The following IMPDH1 variants were observed in gnomAD, a reference collection of about 807,000 sequenced individuals.
IMPDH1 encodes inosine monophosphate dehydrogenase 1.
Under a neutral mutation model 73.5 loss-of-function variants are expected in IMPDH1, and 41 were observed. The observed-to-expected ratio is 0.56, with a 90% CI of 0.43 to 0.72. IMPDH1 has a LOEUF of 0.72. Among genes scored for constraint, IMPDH1 ranks in the 30% least tolerant of loss-of-function variants. The pLI, the probability that IMPDH1 is intolerant of heterozygous loss-of-function variation, is 0.00. For synonymous variants in IMPDH1, 318 were observed against 334.3 expected (o/e 0.95, Z 0.53); for missense variants, 645 against 824.8 (o/e 0.78, Z 2.67).
At chr7:128,399,524 A>AC (rs1798166514) in intron 9 of IMPDH1, among the ~76,000 whole-genome samples, 1 of 145,974 alleles carries the variant, frequency 6.9e-6, no homozygotes, top group South Asian at 2.1e-4. Context: ...TAAAAATACA[A>AC]AAAAAAAAAA....
chr7:128,392,801 C>A lies in IMPDH1; in HGVS notation c.*206G>T. On this transcript the variant is annotated 3_prime_UTR_variant, in exon 17 of 17. Coordinates refer to ENST00000338791, the MANE Select transcript of IMPDH1 (RefSeq NM_000883.4). ...GCTCGGAGGGGGGCTCCCAGGGCAGCCTGGCCCCGGGAGCAGTCCTGACTC... is the reference window on the plus strand; with the variant it reads ...GCTCGGAGGGGGGCTCCCAGGGCAGACTGGCCCCGGGAGCAGTCCTGACTC... 1 of 574,744 alleles carries A rather than the reference C, an allele frequency of 1.7e-6. No homozygotes were observed. Among genetic ancestry groups the A allele is most frequent in the South Asian group, 2.1e-5 (1 of 47,430 alleles). The allele number at this position is 574,744 out of a possible 1,614,324, so 35.6% of individuals were successfully genotyped here.
chr7:128,407,662 C>T (rs1364357563), intron 3 of IMPDH1, among the ~76,000 whole-genome samples: 1 of 152,178 alleles, frequency 6.6e-6, no homozygotes, highest in Non-Finnish European at 1.5e-5. Context: ...AGAGACCAGC[C>T]CAGTGGTCTC....
In IMPDH1 at chr7:128,393,005, C is replaced by T. The variant is rs1797636711; in HGVS notation, c.*2G>A. 6.2e-7 allele frequency: 1 copy of T among 1,613,712 alleles called. No individual in the cohort carries two copies. The highest frequency in any genetic ancestry group is 8.5e-7 in the Non-Finnish European group (1 of 1,179,804). ...CCACCACCTCGGCCTCCACCGCTGT[C>T]CTCAGTACAGCCGCTTTTCGTAACT... On this transcript the variant is annotated 3_prime_UTR_variant, in exon 17 of 17. Coordinates refer to ENST00000338791, the MANE Select transcript of IMPDH1 (RefSeq NM_000883.4).
rs1048992023 is a variant in IMPDH1, at chr7:128,409,939, G to A, written c.-38C>T. ...GCTCAGGGCGGGCGGGAGCCTGGAG[G>A]CTCCCGGGGCCCCGGCTGGGCAGTG... On this transcript the variant is annotated 5_prime_UTR_variant, in exon 1 of 17. Coordinates refer to ENST00000338791, the MANE Select transcript of IMPDH1 (RefSeq NM_000883.4). 12 of 1,326,744 alleles carry A rather than the reference G, an allele frequency of 9.0e-6. No homozygotes were observed. The highest frequency in any genetic ancestry group is 1.1e-5 in the Non-Finnish European group (12 of 1,044,284). The allele number at this position is 1,326,744 out of a possible 1,614,324, so 82.2% of individuals were successfully genotyped here. A position where few individuals can be genotyped will look rare whatever the true frequency, so the allele number is the denominator to read the frequency against.
Position 128,398,701 on chromosome 7 carries a change from A to G in IMPDH1, c.875-88T>C. On this transcript the variant is annotated intron_variant, in intron 9 of 16. Transcript: ENST00000338791. This position sits in a 1 kb window ranked among gnomAD's most constrained non-coding sequence, Gnocchi z 4.3. ...AGGAGGGTGAAGATGAAAGTGGACC[A>G]CTCCAGAGATTCCACTGAAGTACCC... 1 of 1,077,952 alleles carries G rather than the reference A, an allele frequency of 9.3e-7. No individual in the cohort carries two copies. The highest frequency in any genetic ancestry group is 1.4e-6 in the Non-Finnish European group (1 of 706,824). 66.8% of individuals were successfully genotyped at this position (1,077,952 alleles called of 1,614,324 possible).
At chr7:128,395,392 G>A in intron 12 of IMPDH1, 118 bp from the exon 13 acceptor site, 1 of 1,216,614 alleles carries the variant, frequency 8.2e-7, no homozygotes, top group African/African-American at 1.5e-5. Context: ...AAGGGACAGG[G>A]CTGGATGGTG....
chr7:128,398,580 A>G lies in IMPDH1; in HGVS notation c.908T>C (p.Leu303Pro). ...GTCGGTGCGGGCGATGATGGCCACC[A>G]GCTCATCGCAATCATTGACGATAGG... Reference protein sequence around the residue: ...KLPIVNDCDELVAIIARTDLK... With the variant: ...KLPIVNDCDEPVAIIARTDLK... The change falls in exon 10 of 17, where the codon CTG becomes CCG. Residue 303 changes from leucine to proline, a missense_variant. Physicochemically the swap from Leu to Pro is moderately conservative, Grantham distance 98. Coordinates refer to ENST00000338791, the MANE Select transcript of IMPDH1 (RefSeq NM_000883.4). The surrounding 1 kb of genome is among the most constrained non-coding windows in gnomAD (Gnocchi z 4.3). 6.2e-7 allele frequency: 1 copy of G among 1,612,852 alleles called. No homozygotes were observed. Among genetic ancestry groups the G allele is most frequent in the Non-Finnish European group, 8.5e-7 (1 of 1,178,994 alleles).
rs1478615977 is a variant in IMPDH1 at position 128,394,307 on chromosome 7, C to A, written c.1749G>T (p.Gln583His). The change falls in exon 16 of 17, where the codon CAG (glutamine) becomes CAT (histidine). Residue 583 changes from glutamine (Q) to histidine (H), a missense_variant. This residue lies in a region of IMPDH1 where 459 missense variants were observed against 638.2 expected (regional missense o/e 0.72). Coordinates refer to ENST00000338791, the MANE Select transcript of IMPDH1 (RefSeq NM_000883.4). The surrounding 1 kb of genome is among the most constrained non-coding windows in gnomAD (Gnocchi z 5.5). ...GCAGGCCATGGACACCACCCTCAATCTGGGCCGACATGGTCCGCTTCTCAA... is the reference window on the plus strand; with the variant it reads ...GCAGGCCATGGACACCACCCTCAATATGGGCCGACATGGTCCGCTTCTCAA... ...LKFEKRTMSA[Q>H]IEGGVHGLHS... is the part of the protein sequence containing the mutation. 2 of 1,614,116 alleles carry A rather than the reference C, an allele frequency of 1.2e-6. No individual in the cohort carries two copies. Among genetic ancestry groups the A allele is most frequent in the Non-Finnish European group, 1.7e-6 (2 of 1,180,004 alleles).
rs548562398 is a variant in IMPDH1, at chr7:128,398,767, T to G, written c.875-154A>C. On this transcript the variant is annotated intron_variant, in intron 9 of 16. Transcript: ENST00000338791. This position sits in a 1 kb window ranked among gnomAD's most constrained non-coding sequence, Gnocchi z 4.3. ...TGACAGCACCGCCCCCAGGAAGTGT[T>G]CCTAGGGACCTAGCCCTCTTCCCAA... 6.6e-6 allele frequency among the ~76,000 whole-genome samples: 1 copy of G among 152,234 alleles called. No individual in the cohort carries two copies. The highest frequency in any genetic ancestry group is 2.1e-4 in the South Asian group (1 of 4,828).
In IMPDH1 at chr7:128,396,937, C is replaced by T; in HGVS notation, c.1160G>A (p.Gly387Glu). ...GGAGGCGACCCCGCACTCACCGTTCCCCCCAATCACCTGGAGGTGGGGGTA... is the reference window on the plus strand; with the variant it reads ...GGAGGCGACCCCGCACTCACCGTTCTCCCCAATCACCTGGAGGTGGGGGTA... ...QKYPHLQVIG[G>E]NVVTAAQAKN... The change falls in exon 11 of 17, where the codon GGG becomes GAG. Residue 387 changes from glycine (G) to glutamate (E), a missense_variant. By Grantham distance (98) the Gly-to-Glu change is moderately conservative. Transcript: ENST00000338791. The surrounding 1 kb of genome is among the most constrained non-coding windows in gnomAD (Gnocchi z 4.0). 1 of 1,611,792 alleles carries T rather than the reference C, an allele frequency of 6.2e-7. No individual in the cohort carries two copies. The highest frequency in any genetic ancestry group is 8.5e-7 in the Non-Finnish European group (1 of 1,178,196).
intron 5 of IMPDH1, 36 bp from the exon 6 acceptor site, chr7:128,401,152 T>C (rs771261849): frequency 1.3e-6 from 2 of 1,504,000 alleles, no homozygotes; most frequent in Admixed American, 1.7e-5. Context: ...AAAGAGTTTA[T>C]CACCCACTGG....
At position 128,401,066 on chromosome 7, in the gene IMPDH1, G is replaced by A; in HGVS notation, c.453C>T (p.Ile151=). The part of the protein sequence containing the change: ...TRKITLKTPL[I]SSPMDTVTEA... Reference sequence around the variant, plus strand: ...CTGTCACAGTGTCCATGGGGGAGGAGATCAGTGGCGTCTTCAGCGTGATCT... The same window carrying A: ...CTGTCACAGTGTCCATGGGGGAGGAAATCAGTGGCGTCTTCAGCGTGATCT... Residue 151 remains isoleucine (I), a synonymous_variant, in exon 6 of 17, where the codon ATC becomes ATT. Coordinates refer to ENST00000338791, the MANE Select transcript of IMPDH1 (RefSeq NM_000883.4). The A allele has an allele frequency of 6.2e-7, 1 of 1,614,124 alleles. No homozygotes were observed. The highest frequency in any genetic ancestry group is 8.5e-7 in the Non-Finnish European group (1 of 1,180,020).
intron 3 of IMPDH1, 119 bp from the exon 4 acceptor site, chr7:128,405,984 C>A: frequency 3.6e-6 from 3 of 843,398 alleles, no homozygotes; most frequent in Non-Finnish European, 4.3e-6. Context: ...GCGGGCCGGG[C>A]GGGCCGGGGG....
At chr7:128,407,399 G>A (rs1387048374) in intron 3 of IMPDH1, among the ~76,000 whole-genome samples, 1 of 152,206 alleles carries the variant, frequency 6.6e-6, no homozygotes, top group Non-Finnish European at 1.5e-5. Context: ...GATTGCCAGC[G>A]ATGTGTGGGA....
chr7:128,394,287 C>T lies in IMPDH1; in HGVS notation c.1769G>A (p.Gly590Asp). 6.2e-7 allele frequency: 1 copy of T among 1,613,882 alleles called. No homozygotes were observed. The highest frequency in any genetic ancestry group is 8.5e-7 in the Non-Finnish European group (1 of 1,179,850). ...AGGCCACCACACTTACGAGTGCAGG[C>T]CATGGACACCACCCTCAATCTGGGC... The part of the protein sequence containing the change: ...MSAQIEGGVH[G>D]LHSYEKRLY The change falls in exon 16 of 17, where the codon GGC (glycine) becomes GAC (aspartate). Residue 590 changes from glycine (G) to aspartate (D), a missense_variant. Around this residue, in one of 2 missense-constraint regions of IMPDH1, gnomAD observed 459 missense variants for 638.2 expected, o/e 0.72. Transcript: ENST00000338791. The surrounding 1 kb of genome is among the most constrained non-coding windows in gnomAD (Gnocchi z 5.5).
rs1468109719 is a variant in IMPDH1 at position 128,405,840 on chromosome 7, C to G, written c.280G>C (p.Gly94Arg). 2.6e-6 allele frequency: 4 copies of G among 1,537,532 alleles called. No individual in the cohort carries two copies. Among genetic ancestry groups the G allele is most frequent in the South Asian group, 1.2e-5 (1 of 82,776 alleles). ...CCATCCTCGGGCACGTAGCCGGTGCCGCCGCTGATCAGGTAGTCCGCCATG... is the reference window on the plus strand; with the variant it reads ...CCATCCTCGGGCACGTAGCCGGTGCGGCCGCTGATCAGGTAGTCCGCCATG... Reference protein sequence around the residue: ...ASMADYLISGGTGYVPEDGLT... With the variant: ...ASMADYLISGRTGYVPEDGLT... The change falls in exon 4 of 17, where the codon GGC (glycine) becomes CGC (arginine). Residue 94 changes from glycine (G) to arginine (R), a missense_variant. This residue lies in a region of IMPDH1 where 186 missense variants were observed against 186.6 expected (regional missense o/e 1.00). Transcript: ENST00000338791.
rs1798086782 is a variant in IMPDH1, at chr7:128,398,520, T to C, written c.968A>G (p.Lys323Arg). The C allele has an allele frequency of 6.2e-7, 1 of 1,613,766 alleles. No individual in the cohort carries two copies. The highest frequency in any genetic ancestry group is 8.5e-7 in the Non-Finnish European group (1 of 1,179,818). Residue 323 changes from lysine to arginine, a missense_variant, in exon 10 of 17, where the codon AAG (lysine) becomes AGG (arginine). Lys to Arg is a conservative substitution (Grantham distance 26). Coordinates refer to ENST00000338791, the MANE Select transcript of IMPDH1 (RefSeq NM_000883.4). This position sits in a 1 kb window ranked among gnomAD's most constrained non-coding sequence, Gnocchi z 4.3. ...ACAGAGCAGCTGCTTCTGGGAATCC[T>C]TGGAGGCCAGAGGGTAGTCTCGGTT... ...KKNRDYPLAS[K>R]DSQKQLLCGA...
In IMPDH1 at chr7:128,395,024, C is replaced by A; in HGVS notation, c.1415G>T (p.Gly472Val). Reference protein sequence around the residue: ...LALGASTVMMGSLLAATTEAP... With the variant: ...LALGASTVMMVSLLAATTEAP... ...CTCCGTAGTGGCGGCCAGCAGGGAG[C>A]CCATCATCACTACAGTGGGCAAGGG... The change falls in exon 14 of 17, where the codon GGC (glycine) becomes GTC (valine). Residue 472 changes from glycine (G) to valine (V), a missense_variant. Gly to Val is a moderately radical substitution (Grantham distance 109, BLOSUM62 -3). Transcript: ENST00000338791. 1 of 1,613,964 alleles carries A rather than the reference C, an allele frequency of 6.2e-7. No homozygotes were observed. Among genetic ancestry groups the A allele is most frequent in the Non-Finnish European group, 8.5e-7 (1 of 1,180,022 alleles).
In IMPDH1 at chr7:128,394,692, A is replaced by G. The variant is rs978833780; in HGVS notation, c.1551-93T>C. On this transcript the variant is annotated intron_variant, in intron 14 of 16. Transcript: ENST00000338791. The surrounding 1 kb of genome is among the most constrained non-coding windows in gnomAD (Gnocchi z 5.5). ...GGCAAAAACGGGATACCGCCCAGGAAGGTCCCCCAGGCCACCCCTCACTGG... is the reference window on the plus strand; with the variant it reads ...GGCAAAAACGGGATACCGCCCAGGAGGGTCCCCCAGGCCACCCCTCACTGG... 8.6e-6 allele frequency: 13 copies of G among 1,511,868 alleles called. No individual in the cohort carries two copies. Among genetic ancestry groups the G allele is most frequent in the Non-Finnish European group, 1.0e-5 (11 of 1,102,076 alleles). The allele number at this position is 1,511,868 out of a possible 1,614,324, so 93.7% of individuals were successfully genotyped here. A position where few individuals can be genotyped will look rare whatever the true frequency, so the allele number is the denominator to read the frequency against.
Sources: gnomAD v4.1 joint callset for allele counts (sites outside exome capture counted in the v4.1 genomes callset) on GRCh38, gnomAD v4.1.1 for gene constraint, gnomAD v4.1.1 regional missense constraint, Gnocchi (gnomAD v3.1) non-coding constraint, MANE v1.5 for transcripts, NCBI Gene and HGNC (gene_info 2026-07-23, HGNC 2026-07-21) for gene names.